The following CHODL variants were observed in gnomAD, a reference collection of about 807,000 sequenced individuals.
CHODL encodes the protein transmembrane protein MT75.
In CHODL, 29 loss-of-function variants were observed where a neutral mutation model predicts 34.5. That is an observed-to-expected ratio of 0.84 (90% confidence interval 0.63 to 1.15). The LOEUF is 1.15. CHODL is among the 50% of genes most tolerant of loss of function. CHODL has a pLI of 0.00. For missense variants in CHODL, 332 were observed against 332.5 expected (o/e 1.00, Z 0.01); for synonymous variants, 125 against 116.1 (o/e 1.08, Z -0.49).
At chr21:18,188,467 GA>G (rs1439941164) in intron 2 of CHODL, among the ~76,000 whole-genome samples, 1 of 152,088 alleles carries the variant, frequency 6.6e-6, no homozygotes, top group Admixed American at 6.6e-5. Flanking sequence ...TATTTGAGAG[GA>G]AAATAGATGG....
chr21:18,234,660 A>G (rs915798015), intron 2 of CHODL, among the ~76,000 whole-genome samples: 3 of 152,054 alleles, frequency 2.0e-5, no homozygotes, highest in Non-Finnish European at 2.9e-5. Context: ...CTGCTGATGT[A>G]TGGGCACAAA....
intron 2 of CHODL, among the ~76,000 whole-genome samples, chr21:18,053,895 T>C (rs2064546637): frequency 6.6e-6 from 1 of 151,620 alleles, no homozygotes; most frequent in African/African-American, 2.4e-5. Flanking sequence ...ATATATAGTA[T>C]GTGTGATATG....
intron 1 of CHODL, among the ~76,000 whole-genome samples, chr21:18,255,773 T>C (rs1278557601): frequency 2.0e-5 from 3 of 152,106 alleles, no homozygotes; most frequent in Non-Finnish European, 2.9e-5. Context: ...TTATCACTTA[T>C]CAGAGATGTC....
At chr21:18,099,514 C>T (rs989487555) in intron 2 of CHODL, among the ~76,000 whole-genome samples, 1 of 151,880 alleles carries the variant, frequency 6.6e-6, no homozygotes, top group Non-Finnish European at 1.5e-5. Context: ...AGAACTACCT[C>T]TGACTTATTC....
At chr21:18,174,304 C>A (rs1241962278) in intron 2 of CHODL, among the ~76,000 whole-genome samples, 2 of 151,112 alleles carry the variant, frequency 1.3e-5, no homozygotes, top group African/African-American at 4.9e-5. Flanking sequence ...ACATAGCACA[C>A]AAAATAATTT....
intron 2 of CHODL, among the ~76,000 whole-genome samples, chr21:18,232,240 T>C (rs1000015472): frequency 1.3e-5 from 2 of 152,156 alleles, no homozygotes; most frequent in African/African-American, 4.8e-5. Context: ...ATTTTCGATG[T>C]GCTAATTATA....
At chr21:18,245,419 G>T in intron 1 of CHODL, 117 bp downstream of exon 1, 1 of 735,386 alleles carries the variant, frequency 1.4e-6, no homozygotes. Context: ...CATGGTGTAA[G>T]GACCCGGGAG....
intron 1 of CHODL, among the ~76,000 whole-genome samples, chr21:17,939,184 T>G (rs1266656534): frequency 6.6e-6 from 1 of 152,206 alleles, no homozygotes; most frequent in African/African-American, 2.4e-5. Flanking sequence ...TCTTTAGAGC[T>G]TATTTGTCTT....
intron 2 of CHODL, among the ~76,000 whole-genome samples, chr21:18,160,578 C>T (rs557807979): frequency 6.6e-6 from 1 of 152,098 alleles, no homozygotes; most frequent in South Asian, 2.1e-4. Flanking sequence ...TAAGTAAGAA[C>T]ATTCAGTGTT....
chr21:18,065,550 G>A (rs543714884), intron 2 of CHODL, among the ~76,000 whole-genome samples: 1 of 152,226 alleles, frequency 6.6e-6, no homozygotes, highest in Admixed American at 6.5e-5. Context: ...TAATAAGAAG[G>A]GAAGGATTTT....
At chr21:18,264,601 CA>C (rs564344974) in intron 5 of CHODL, among the ~76,000 whole-genome samples, 8,461 of 67,886 alleles carry the variant, frequency 0.12, 228 homozygotes, top group African/African-American at 0.18. Context: ...GGGTCTGTCT[CA>C]AAAAAAAAAA....
chr21:17,922,128 G>A (rs551486857), intron 1 of CHODL, among the ~76,000 whole-genome samples: 3 of 151,738 alleles, frequency 2.0e-5, no homozygotes, highest in South Asian at 4.2e-4. Flanking sequence ...CAGTTAGAGT[G>A]AAGAAAAGAA....
At chr21:18,186,246 A>C (rs2073439933) in intron 2 of CHODL, among the ~76,000 whole-genome samples, 1 of 152,108 alleles carries the variant, frequency 6.6e-6, no homozygotes, top group African/African-American at 2.4e-5. Flanking sequence ...AAATGTTCTG[A>C]TTGGTCTAGA....
chr21:18,076,460 G>T (rs1290055754), intron 2 of CHODL, among the ~76,000 whole-genome samples: 1 of 152,180 alleles, frequency 6.6e-6, no homozygotes, highest in African/African-American at 2.4e-5. Flanking sequence ...AATGTTGAAG[G>T]TATGGCTTGG....
At position 18,044,190 on chromosome 21, in the gene CHODL, G is replaced by A. The variant is rs532853662; in HGVS notation, c.-45+16219G>A. On this transcript the variant is annotated intron_variant, in intron 2 of 6. Transcript: ENST00000400127. The stretch of plus-strand genomic sequence containing the variant: ...AAAACAGTTGATTTAGTTTTGTGCT[G>A]TGTTTCTCCTTTGCTGGTAAGAATG... 3.9e-4 allele frequency among the ~76,000 whole-genome samples: 59 copies of A among 152,098 alleles called. 1 individual carries two copies. The highest frequency in any genetic ancestry group is 1.4e-3 in the African/African-American group (58 of 41,534).
chr21:18,176,529 C>G (rs888707648), intron 2 of CHODL, among the ~76,000 whole-genome samples: 2 of 152,132 alleles, frequency 1.3e-5, no homozygotes, highest in Admixed American at 6.5e-5. Flanking sequence ...CATTGCCTCC[C>G]TTGTGTTGGC....
intron 1 of CHODL, among the ~76,000 whole-genome samples, chr21:17,933,220 A>G (rs1293983745): frequency 6.6e-6 from 1 of 152,132 alleles, no homozygotes; most frequent in East Asian, 1.9e-4. Flanking sequence ...TTCAACTGCA[A>G]AGAGGTGTTC....
rs73892830 is a variant in CHODL at position 18,022,915 on chromosome 21, T to C, written c.-144-4957T>C. Among the ~76,000 whole-genome samples the C allele has an allele frequency of 7.3e-3, 1,112 of 152,308 alleles. 17 individuals carry two copies. The highest frequency in any genetic ancestry group is 0.025 in the African/African-American group (1,048 of 41,582). The stretch of plus-strand genomic sequence containing the variant: ...GAACCCAATCTCTTGATTCCAACTT[T>C]AATGCTTTCTCCACTCCTCTTAAGA... On this transcript the variant is annotated intron_variant, in intron 1 of 6. Coordinates refer to the CHODL transcript ENST00000400127.
At chr21:17,942,586 A>G (rs981931096) in intron 1 of CHODL, among the ~76,000 whole-genome samples, 25 of 152,368 alleles carry the variant, frequency 1.6e-4, no homozygotes, top group Non-Finnish European at 3.2e-4. Context: ...TATATAGTAC[A>G]AAAGAAAAAA....
Sources: allele counts gnomAD v4.1 joint callset (sites outside exome capture counted in the v4.1 genomes callset), GRCh38; gene constraint gnomAD v4.1.1; transcripts MANE v1.5; gene names NCBI Gene and HGNC (gene_info 2026-07-23, HGNC 2026-07-21).